Variants in RERE observed in about 807,000 individuals in gnomAD.
The protein encoded by RERE is arginine-glutamic acid dipeptide repeats protein.
Under a neutral mutation model 146.1 loss-of-function variants are expected in RERE, and 40 were observed. That is an observed-to-expected ratio of 0.27 (90% CI 0.21 to 0.36). The LOEUF (loss-of-function observed/expected upper bound fraction) is 0.36. Ranked by LOEUF, RERE falls within the 10% of genes least tolerant of loss-of-function variation. The pLI is 1.00. For synonymous variants in RERE, 1,003 were observed against 866.0 expected (o/e 1.16, Z -2.78); for missense variants, 1,933 against 2,138.7 (o/e 0.90, Z 1.90).
chr1:8,448,954 C>T (rs532813662), intron 11 of RERE, among the ~76,000 whole-genome samples: 1 of 152,240 alleles, frequency 6.6e-6, no homozygotes, highest in South Asian at 2.1e-4. Flanking sequence ...ACCACTCACA[C>T]AGGAAACCTC....
chr1:8,412,211 C>T (rs1643634611), intron 12 of RERE, among the ~76,000 whole-genome samples: 4 of 152,286 alleles, frequency 2.6e-5, no homozygotes, highest in African/African-American at 4.8e-5. Context: ...GGGAACAAAG[C>T]GACAATGGCA....
intron 21 of RERE, 40 bp from the exon 22 acceptor site, chr1:8,355,639 G>A (rs2124352867): frequency 3.3e-6 from 5 of 1,526,904 alleles, no homozygotes; most frequent in Non-Finnish European, 3.5e-6. Flanking sequence ...GAAATAGCCA[G>A]AGGACTGGCC....
Position 8,554,004 on chromosome 1 carries a change from CT to C in RERE, c.725+2470del, listed in dbSNP as rs530564621. Among the ~76,000 whole-genome samples the C allele has an allele frequency of 3.9e-4, 60 of 151,982 alleles. 1 individual carries two copies. The South Asian group carries it at 0.012, about 30-fold the overall frequency. On this transcript the variant is annotated intron_variant, in intron 6 of 22. Transcript: ENST00000400908. The stretch of plus-strand genomic sequence containing the variant: ...CCAGCCTGGCCAAGATGGTGAAACC[CT>C]GTCTCTACTAAAAATACAAAAATTA...
chr1:8,552,947 G>A (rs918125290), intron 6 of RERE, among the ~76,000 whole-genome samples: 2 of 149,672 alleles, frequency 1.3e-5, no homozygotes, highest in Admixed American at 6.7e-5. Flanking sequence ...CACACCACTA[G>A]GCCAGCAAGT....
At chr1:8,809,566 T>G (rs890786400) in intron 1 of RERE, among the ~76,000 whole-genome samples, 13 of 152,338 alleles carry the variant, frequency 8.5e-5, no homozygotes, top group African/African-American at 3.1e-4. Context: ...ACTCTAAGAC[T>G]CATAATGTTT....
intron 2 of RERE, among the ~76,000 whole-genome samples, chr1:8,625,657 C>A (rs1048491765): frequency 6.6e-6 from 1 of 152,148 alleles, no homozygotes; most frequent in African/African-American, 2.4e-5. Context: ...ATGAGTGTAT[C>A]TTACAATAAT....
At chr1:8,747,565 C>T (rs1640447269) in intron 1 of RERE, among the ~76,000 whole-genome samples, 1 of 151,942 alleles carries the variant, frequency 6.6e-6, no homozygotes, top group South Asian at 2.1e-4. Context: ...TACTGAGTAT[C>T]TACTATATTT....
chr1:8,658,307 A>G (rs894544119), intron 1 of RERE, among the ~76,000 whole-genome samples: 1 of 152,234 alleles, frequency 6.6e-6, no homozygotes, highest in Non-Finnish European at 1.5e-5. Context: ...CAAATGCAAC[A>G]AAAGGAGGCA....
intron 1 of RERE, among the ~76,000 whole-genome samples, chr1:8,713,779 T>A (rs1346050868): frequency 6.6e-6 from 1 of 152,064 alleles, no homozygotes; most frequent in Non-Finnish European, 1.5e-5. Flanking sequence ...ATTGCAAACT[T>A]CAACTACAGT....
Position 8,358,936 on chromosome 1 carries a change from C to T in RERE, c.3619-20G>A, listed in dbSNP as rs373697833. The T allele has an allele frequency of 2.7e-4, 414 of 1,507,120 alleles. No homozygotes were observed. The highest frequency in any genetic ancestry group is 3.4e-4 in the Non-Finnish European group (382 of 1,133,688). 93.4% of individuals were successfully genotyped at this position (1,507,120 alleles called of 1,614,324 possible). On this transcript the variant is annotated intron_variant, in intron 19 of 22. Coordinates refer to ENST00000400908, the MANE Select transcript of RERE (RefSeq NM_001042681.2). ...CGCCTTCTGCAGAAGGAAAAGAAAG[C>T]GTGAGGGGTCCCCCGAGCGCCTGGG...
intron 1 of RERE, among the ~76,000 whole-genome samples, chr1:8,813,017 C>CA (rs1458260592): frequency 6.6e-6 from 1 of 151,846 alleles, no homozygotes; most frequent in African/African-American, 2.4e-5. Context: ...AAAGGCTCGG[C>CA]AAAATCACAC....
chr1:8,507,814 A>G (rs1393618004), intron 8 of RERE, among the ~76,000 whole-genome samples: 1 of 121,742 alleles, frequency 8.2e-6, no homozygotes, highest in Non-Finnish European at 1.6e-5. Context: ...GTCTTGGCTC[A>G]CTGCAACCTC....
intron 20 of RERE, among the ~76,000 whole-genome samples, chr1:8,357,422 C>T (rs770432004): frequency 2.4e-4 from 37 of 152,308 alleles, no homozygotes; most frequent in Non-Finnish European, 1.9e-4. Flanking sequence ...GGTGGCTCCC[C>T]GCCCTCCCTC....
intron 12 of RERE, among the ~76,000 whole-genome samples, chr1:8,401,049 ATATATAT>A: frequency 1.1e-5 from 1 of 91,354 alleles, no homozygotes; most frequent in African/African-American, 6.1e-5. Flanking sequence ...ATATATATAT[ATATATAT>A]ATATATATAT....
At position 8,362,847 on chromosome 1, in the gene RERE, GC is replaced by G. The variant is rs1557589158; in HGVS notation, c.1741-4del. On this transcript the variant is annotated splice_region_variant and splice_polypyrimidine_tract_variant and intron_variant, in intron 15 of 22. Coordinates refer to ENST00000400908, the MANE Select transcript of RERE (RefSeq NM_001042681.2). The stretch of plus-strand genomic sequence containing the variant: ...CGACCACTGCGTAGTGTCGACATCT[GC>G]CCACCCAAACCGAAGACTGGTGACA... 1 of 1,608,440 alleles carries G rather than the reference GC, an allele frequency of 6.2e-7. No homozygotes were observed. Among genetic ancestry groups the G allele is most frequent in the South Asian group, 1.1e-5 (1 of 90,438 alleles).
At chr1:8,605,745 CAAAAAAAAAAA>C (rs564574812) in intron 4 of RERE, among the ~76,000 whole-genome samples, 17 of 64,516 alleles carry the variant, frequency 2.6e-4, no homozygotes, top group Admixed American at 9.0e-4. Context: ...ACCCCATCTC[CAAAAAAAAAAA>C]AAAAAAAAAA....
chr1:8,718,296 TAAA>T (rs139764728), intron 1 of RERE, among the ~76,000 whole-genome samples: 372 of 152,310 alleles, frequency 2.4e-3, no homozygotes, highest in African/African-American at 6.9e-3. Context: ...AAGATTTCTT[TAAA>T]AAACAGGGTC....
chr1:8,794,707 G>C (rs1380462864), intron 1 of RERE, among the ~76,000 whole-genome samples: 1 of 151,960 alleles, frequency 6.6e-6, no homozygotes, highest in African/African-American at 2.4e-5. Flanking sequence ...AACCAGCCTG[G>C]GCAACACGGC....
At chr1:8,558,571 C>G (rs1438566008) in intron 4 of RERE, among the ~76,000 whole-genome samples, 2 of 152,070 alleles carry the variant, frequency 1.3e-5, no homozygotes, top group African/African-American at 4.8e-5. Flanking sequence ...AAAGGGGATG[C>G]CTAAATCCTA....
Sources: allele counts gnomAD v4.1 joint callset (sites outside exome capture counted in the v4.1 genomes callset), GRCh38; gene constraint gnomAD v4.1.1; transcripts MANE v1.5; gene names NCBI Gene and HGNC (gene_info 2026-07-23, HGNC 2026-07-21).